The following ARHGAP24 variants were observed in gnomAD, a reference collection of about 807,000 sequenced individuals.
ARHGAP24 encodes the protein Rho GTPase activating protein 24, also known as rho GTPase-activating protein 24.
ARHGAP24 carries 50 observed loss-of-function variants against 76.4 expected under a neutral mutation model. The observed-to-expected ratio is 0.65, with a 90% CI of 0.52 to 0.83. ARHGAP24 has a LOEUF of 0.83. Among genes scored for constraint, ARHGAP24 ranks in the 40% least tolerant of loss-of-function variants. The probability of loss-of-function intolerance (pLI) is 0.00; values close to 1 mark genes in which losing one functional copy is unlikely to be tolerated. For missense variants in ARHGAP24, 930 were observed against 914.2 expected (o/e 1.02, Z -0.22); for synonymous variants, 345 against 323.3 (o/e 1.07, Z -0.72).
At chr4:85,838,730 G>A (rs549150780) in intron 3 of ARHGAP24, among the ~76,000 whole-genome samples, 2 of 152,232 alleles carry the variant, frequency 1.3e-5, no homozygotes, top group South Asian at 2.1e-4. Flanking sequence ...CACATTTTAG[G>A]GACGTTTTCT....
At chr4:85,525,863 C>T (rs527909365) in intron 1 of ARHGAP24, among the ~76,000 whole-genome samples, 1 of 152,106 alleles carries the variant, frequency 6.6e-6, no homozygotes, top group Non-Finnish European at 1.5e-5. Context: ...TGAATGTTCT[C>T]CTTGTTGCTA....
chr4:85,945,286 G>T (rs1482792664), intron 5 of ARHGAP24, among the ~76,000 whole-genome samples: 1 of 152,026 alleles, frequency 6.6e-6, no homozygotes, highest in Non-Finnish European at 1.5e-5. Flanking sequence ...GGGATTACGG[G>T]CATGTGCCAC....
chr4:85,727,714 C>T (rs919770649), intron 3 of ARHGAP24, among the ~76,000 whole-genome samples: 21 of 152,160 alleles, frequency 1.4e-4, no homozygotes, highest in African/African-American at 4.3e-4. Context: ...CCAACCAACA[C>T]ACCTGATATT....
intron 3 of ARHGAP24, among the ~76,000 whole-genome samples, chr4:85,729,213 A>G (rs1725296241): frequency 6.6e-6 from 1 of 152,130 alleles, no homozygotes; most frequent in Admixed American, 6.6e-5. Context: ...CATTTAGAGA[A>G]TGTGAGTAGG....
chr4:85,678,713 T>C (rs1029078332), intron 2 of ARHGAP24, among the ~76,000 whole-genome samples: 7 of 152,220 alleles, frequency 4.6e-5, no homozygotes, highest in African/African-American at 1.7e-4. Context: ...ATAGCTCATA[T>C]TCATCTGAAT....
chr4:85,717,294 C>T (rs1360174829), intron 2 of ARHGAP24, among the ~76,000 whole-genome samples: 2 of 152,070 alleles, frequency 1.3e-5, no homozygotes, highest in African/African-American at 4.8e-5. Context: ...TGTTTCTTAA[C>T]AATATATAAT....
chr4:85,998,664 C>T lies in ARHGAP24; in HGVS notation c.2004-1815C>T, dbSNP rs893390155. ...CTATAATTATCATTTTTGAGGCATT[C>T]TAGGTAACTTTTCTCAGACCTGTTT... On this transcript the variant is annotated intron_variant, in intron 9 of 9. Coordinates refer to ENST00000395184, the MANE Select transcript of ARHGAP24 (RefSeq NM_001025616.3). Among the ~76,000 whole-genome samples the T allele has an allele frequency of 2.0e-5, 3 of 152,034 alleles. No homozygotes were observed. The South Asian group carries it at 6.2e-4, about 32-fold the overall frequency.
intron 2 of ARHGAP24, among the ~76,000 whole-genome samples, chr4:85,689,418 G>T (rs1723549052): frequency 6.6e-6 from 1 of 151,988 alleles, no homozygotes; most frequent in Non-Finnish European, 1.5e-5. Flanking sequence ...ACAGAGTCTT[G>T]CTCTGTCACC....
intron 2 of ARHGAP24, among the ~76,000 whole-genome samples, chr4:85,678,891 C>G (rs940579341): frequency 2.0e-5 from 3 of 152,162 alleles, no homozygotes; most frequent in African/African-American, 7.2e-5. Flanking sequence ...CCGATGCATG[C>G]TGGCAATGTA....
chr4:85,954,824 A>G (rs966503793), intron 5 of ARHGAP24, among the ~76,000 whole-genome samples: 5 of 152,328 alleles, frequency 3.3e-5, no homozygotes, highest in Non-Finnish European at 5.9e-5. Context: ...CCTGGCCAAC[A>G]TGGAGAAACC....
intron 4 of ARHGAP24, chr4:85,930,821 A>G (rs1361668346): frequency 3.2e-6 from 5 of 1,562,428 alleles, no homozygotes; most frequent in Non-Finnish European, 4.3e-6. Context: ...TCTAGGGATC[A>G]GCACTTCAAA....
At chr4:85,690,549 G>C (rs1350098939) in intron 2 of ARHGAP24, among the ~76,000 whole-genome samples, 1 of 152,120 alleles carries the variant, frequency 6.6e-6, no homozygotes, top group African/African-American at 2.4e-5. Context: ...GGAAGATTGT[G>C]TGTTTCCAGG....
intron 3 of ARHGAP24, among the ~76,000 whole-genome samples, chr4:85,810,956 C>A (rs1203448489): frequency 3.3e-5 from 5 of 152,164 alleles, no homozygotes; most frequent in African/African-American, 1.2e-4. Context: ...CATGAGTGAA[C>A]CTGATGGCTC....
Position 85,977,654 on chromosome 4 carries a change from G to C in ARHGAP24, c.891G>C (p.Leu297=). 6.2e-7 allele frequency: 1 copy of C among 1,613,892 alleles called. No individual in the cohort carries two copies. The highest frequency in any genetic ancestry group is 8.5e-7 in the Non-Finnish European group (1 of 1,179,826). The change falls in exon 8 of 10, where the codon CTG becomes CTC. Residue 297 remains leucine (L), a synonymous_variant. Transcript: ENST00000395184. The stretch of plus-strand genomic sequence containing the variant: ...CAACGGTCTTTGGTCCTAATATCCT[G>C]CGCCCCAAAGTGGAAGATCCTTTGA... ...NLATVFGPNI[L]RPKVEDPLTI...
At chr4:85,782,580 C>T (rs1252693339) in intron 3 of ARHGAP24, among the ~76,000 whole-genome samples, 1 of 152,120 alleles carries the variant, frequency 6.6e-6, no homozygotes, top group African/African-American at 2.4e-5. Flanking sequence ...ATTTATGTTT[C>T]CCAAGGAACT....
chr4:85,915,656 T>C (rs1302003323), intron 3 of ARHGAP24, among the ~76,000 whole-genome samples: 1 of 151,048 alleles, frequency 6.6e-6, no homozygotes, highest in African/African-American at 2.4e-5. Flanking sequence ...CACTTATGAG[T>C]GAGAACACGT....
intron 1 of ARHGAP24, among the ~76,000 whole-genome samples, chr4:85,500,381 G>A (rs1241574554): frequency 6.6e-6 from 1 of 152,144 alleles, no homozygotes; most frequent in African/African-American, 2.4e-5. Flanking sequence ...ATTAATCAGT[G>A]ATGAAATATG....
chr4:85,563,063 A>C (rs1466512100), intron 1 of ARHGAP24, among the ~76,000 whole-genome samples: 1 of 152,144 alleles, frequency 6.6e-6, no homozygotes, highest in Non-Finnish European at 1.5e-5. Flanking sequence ...GCAGGGAATC[A>C]AGTTCAGTAT....
chr4:85,954,539 C>T (rs1249187434), intron 5 of ARHGAP24, among the ~76,000 whole-genome samples: 1 of 152,234 alleles, frequency 6.6e-6, no homozygotes, highest in African/African-American at 2.4e-5. Flanking sequence ...TATCCTAATA[C>T]CTACTTGTTT....
Sources: gnomAD v4.1 joint callset for allele counts (sites outside exome capture counted in the v4.1 genomes callset) on GRCh38, gnomAD v4.1.1 for gene constraint, MANE v1.5 for transcripts, NCBI Gene and HGNC (gene_info 2026-07-23, HGNC 2026-07-21) for gene names.